Variants in HDGFL2 observed in about 807,000 individuals in gnomAD.
HDGFL2 encodes HDGF like 2.
A neutral mutation model predicts 77.1 loss-of-function variants in HDGFL2; 36 were observed. That is an observed-to-expected ratio of 0.47 (90% CI 0.36 to 0.62). HDGFL2 has a LOEUF of 0.62. Ranked by LOEUF, HDGFL2 falls within the 20% of genes least tolerant of loss-of-function variation. HDGFL2 has a pLI of 0.00. For missense variants in HDGFL2, 976 were observed against 973.4 expected (o/e 1.00, Z -0.04); for synonymous variants, 463 against 413.1 (o/e 1.12, Z -1.46).
In HDGFL2 at chr19:4,491,834, A is replaced by G; in HGVS notation, c.677A>G (p.Lys226Arg). 1.2e-6 allele frequency: 2 copies of G among 1,613,410 alleles called. No individual in the cohort carries two copies. Among genetic ancestry groups the G allele is most frequent in the Non-Finnish European group, 1.7e-6 (2 of 1,179,516 alleles). Reference protein sequence around the residue: ...RRGPLGGRKKKKAPSASDSDS... With the variant: ...RRGPLGGRKKRKAPSASDSDS... ...GGCCCTCTGGGGGGACGGAAAAAAA[A>G]GGTAGCGTGCACTTGACTTTGTTTC... Residue 226 changes from lysine (K) to arginine (R), a missense_variant and splice_region_variant, in exon 6 of 16, where the codon AAG becomes AGG. By Grantham distance (26) the Lys-to-Arg change is conservative. Transcript: ENST00000616600.
chr19:4,491,664 G>A lies in HDGFL2; in HGVS notation c.588G>A (p.Ser196=), dbSNP rs371033547. The A allele has an allele frequency of 6.2e-6, 10 of 1,614,074 alleles. No individual in the cohort carries two copies. Among genetic ancestry groups the A allele is most frequent in the African/African-American group, 1.3e-5 (1 of 75,054 alleles). Residue 196 remains serine, a synonymous_variant, in exon 5 of 16, where the codon TCG becomes TCA. Coordinates refer to ENST00000616600, the MANE Select transcript of HDGFL2 (RefSeq NM_001001520.3). ...AGAACTCGGAAAGCTCATCTGAGTCGGAGAAGACCAGCGACCAGGTGGGCC... is the reference window on the plus strand; with the variant it reads ...AGAACTCGGAAAGCTCATCTGAGTCAGAGAAGACCAGCGACCAGGTGGGCC... The part of the protein sequence containing the change: ...EEENSESSSE[S]EKTSDQDFTP...
At chr19:4,499,172 C>T (rs1975787277) in intron 13 of HDGFL2, among the ~76,000 whole-genome samples, 1 of 152,018 alleles carries the variant, frequency 6.6e-6, no homozygotes, top group South Asian at 2.1e-4. Context: ...ATGGTGAAAC[C>T]CCATCTCTAC....
At chr19:4,497,181 CGTTTTT>C (rs747539928) in intron 10 of HDGFL2, 3 of 445,004 alleles carry the variant, frequency 6.7e-6, no homozygotes, top group East Asian at 7.1e-5. Flanking sequence ...CTGCAGCCCA[CGTTTTT>C]GTTTTTGTTT....
intron 6 of HDGFL2, among the ~76,000 whole-genome samples, chr19:4,492,750 TTG>T (rs1233946721): frequency 1.5e-5 from 2 of 135,496 alleles, no homozygotes; most frequent in African/African-American, 2.8e-5. Flanking sequence ...TGTTGGGTGT[TTG>T]TGTGTCTGGT....
Position 4,493,807 on chromosome 19 carries a change from C to T in HDGFL2, c.783C>T (p.Ser261=), listed in dbSNP as rs778099119. 1.9e-6 allele frequency: 3 copies of T among 1,540,670 alleles called. No homozygotes were observed. The highest frequency in any genetic ancestry group is 1.7e-4 in the Middle Eastern group (1 of 5,952). Residue 261 remains serine (S), a synonymous_variant, in exon 7 of 16, where the codon TCC becomes TCT. Transcript: ENST00000616600. Reference sequence around the variant, plus strand: ...CGGCGTCCTCCTCCTCCTCTTCCTCCTCCTCCTCCGACTCCGATGTGTCTG... The same window carrying T: ...CGGCGTCCTCCTCCTCCTCTTCCTCTTCCTCCTCCGACTCCGATGTGTCTG... ...ARSASSSSSS[S]SSSDSDVSVK... is the part of the protein sequence containing the mutation.
At chr19:4,475,070 A>C in intron 1 of HDGFL2, 2 of 564,796 alleles carry the variant, frequency 3.5e-6, no homozygotes, top group Non-Finnish European at 6.3e-6. Flanking sequence ...TCCCTGGGGT[A>C]GGGGGAGAGC....
intron 6 of HDGFL2, among the ~76,000 whole-genome samples, chr19:4,493,013 G>A (rs938190069): frequency 1.5e-5 from 2 of 134,308 alleles, no homozygotes; most frequent in Non-Finnish European, 3.2e-5. Context: ...TGTGTGTGGT[G>A]CGTGTGTGTT....
At chr19:4,495,512 C>A (rs935684658) in intron 9 of HDGFL2, among the ~76,000 whole-genome samples, 1 of 151,820 alleles carries the variant, frequency 6.6e-6, no homozygotes, top group African/African-American at 2.4e-5. Context: ...CTGCGCCTGG[C>A]GTGCTGGAGG....
intron 6 of HDGFL2, among the ~76,000 whole-genome samples, chr19:4,492,775 A>G (rs906124636): frequency 1.9e-5 from 2 of 105,726 alleles, no homozygotes; most frequent in Admixed American, 9.8e-5. Context: ...GTCTGTGTCT[A>G]TGGTGTGTCT....
chr19:4,481,376 G>A (rs1179261152), intron 3 of HDGFL2, among the ~76,000 whole-genome samples: 1 of 152,082 alleles, frequency 6.6e-6, no homozygotes, highest in East Asian at 1.9e-4. Flanking sequence ...ATTTTTAGTA[G>A]AGACGGGGTT....
intron 3 of HDGFL2, among the ~76,000 whole-genome samples, chr19:4,478,359 T>C (rs1975126730): frequency 6.6e-6 from 1 of 151,254 alleles, no homozygotes; most frequent in African/African-American, 2.4e-5. Flanking sequence ...CCCACTACCA[T>C]GCCTGGCTAA....
In HDGFL2 at chr19:4,478,197, G is replaced by GT. The variant is rs113038095; in HGVS notation, c.288+2627dup. ...GCCAAGTTTTGTCCCGGATGCTGCT[G>GT]TTTTTTTTTTTTTGTTTTTTGTTTT... On this transcript the variant is annotated intron_variant, in intron 3 of 15. Coordinates refer to ENST00000616600, the MANE Select transcript of HDGFL2 (RefSeq NM_001001520.3). 1.4e-3 allele frequency among the ~76,000 whole-genome samples: 198 copies of GT among 140,444 alleles called. 1 individual carries two copies. Among genetic ancestry groups the GT allele is most frequent in the East Asian group, 1.9e-3 (9 of 4,800 alleles). 92.1% of individuals were successfully genotyped at this position (140,444 alleles called of 152,430 possible).
chr19:4,501,330 G>C lies in HDGFL2; in HGVS notation c.1916+13G>C. 2 of 1,579,706 alleles carry C rather than the reference G, an allele frequency of 1.3e-6. No individual in the cohort carries two copies. The highest frequency in any genetic ancestry group is 1.7e-6 in the Non-Finnish European group (2 of 1,160,584). ...AAGACCTGCACGAGTGAGTGTCCCG[G>C]GCCGTGGGGTTTGGACTCCTGAGCG... is the stretch of plus-strand genomic sequence containing the variant. On this transcript the variant is annotated intron_variant, in intron 15 of 15. Coordinates refer to ENST00000616600, the MANE Select transcript of HDGFL2 (RefSeq NM_001001520.3).
chr19:4,481,318 G>A (rs1234616325), intron 3 of HDGFL2, among the ~76,000 whole-genome samples: 3 of 151,528 alleles, frequency 2.0e-5, no homozygotes, highest in African/African-American at 4.9e-5. Flanking sequence ...AGCCTCCCGA[G>A]TAGCTGGGAC....
chr19:4,483,971 A>G (rs1346905316), intron 3 of HDGFL2, among the ~76,000 whole-genome samples: 1 of 148,686 alleles, frequency 6.7e-6, no homozygotes. Context: ...TTGTATTTTT[A>G]GTAGAGATGG....
chr19:4,497,979 C>G lies in HDGFL2; in HGVS notation c.1350C>G (p.Thr450=), dbSNP rs1975751714. 1 of 1,555,238 alleles carries G rather than the reference C, an allele frequency of 6.4e-7. No homozygotes were observed. The highest frequency in any genetic ancestry group is 1.4e-5 in the African/African-American group (1 of 73,334). ...ACAGGCCCGTGAAGGTGGAGCGGAC[C>G]CGGAAGCGGTCCGAGGGCTTCTCGA... ...QQAKPVKVER[T]RKRSEGFSMD... is the part of the protein sequence containing the mutation. Residue 450 remains threonine (T), a synonymous_variant, in exon 11 of 16, where the codon ACC becomes ACG. Transcript: ENST00000616600.
Position 4,494,006 on chromosome 19 carries a change from G to A in HDGFL2, c.863G>A (p.Arg288Gln), listed in dbSNP as rs1040282892. 1 of 1,611,600 alleles carries A rather than the reference G, an allele frequency of 6.2e-7. No individual in the cohort carries two copies. Among genetic ancestry groups the A allele is most frequent in the South Asian group, 1.1e-5 (1 of 90,658 alleles). The change falls in exon 8 of 16, where the codon CGA becomes CAA. Residue 288 changes from arginine to glutamine, a missense_variant. Physicochemically the swap from Arg to Gln is conservative, Grantham distance 43 (BLOSUM62 1). Around this residue, in one of 5 missense-constraint regions of HDGFL2, gnomAD observed 567 missense variants for 534.7 expected, o/e 1.06. Coordinates refer to ENST00000616600, the MANE Select transcript of HDGFL2 (RefSeq NM_001001520.3). Reference sequence around the variant, plus strand: ...GCGGAGAAGCCTCTCCCGAAGCCGCGAGGGCGGAAACCGAAGCCTGAACGG... The same window carrying A: ...GCGGAGAAGCCTCTCCCGAAGCCGCAAGGGCGGAAACCGAAGCCTGAACGG... ...KPAEKPLPKPRGRKPKPERPP... is the reference protein window; with the variant it reads ...KPAEKPLPKPQGRKPKPERPP...
intron 2 of HDGFL2, 45 bp downstream of exon 2, chr19:4,475,396 C>A (rs2145149614): frequency 6.2e-7 from 1 of 1,614,064 alleles, no homozygotes; most frequent in East Asian, 2.2e-5. Context: ...CTGGTGCCTC[C>A]CGGGGTGGCC....
chr19:4,481,270 A>G (rs1400849039), intron 3 of HDGFL2, among the ~76,000 whole-genome samples: 1 of 146,048 alleles, frequency 6.8e-6, no homozygotes, highest in Admixed American at 7.0e-5. Context: ...GGCTCACTGC[A>G]ACCTCCACCT....
Sources: allele counts gnomAD v4.1 joint callset (sites outside exome capture counted in the v4.1 genomes callset), GRCh38; gene constraint gnomAD v4.1.1; regional missense constraint gnomAD v4.1.1; transcripts MANE v1.5; gene names NCBI Gene and HGNC (gene_info 2026-07-23, HGNC 2026-07-21).